SEC22C: variants seen among roughly 807,000 people sequenced by gnomAD.
SEC22C encodes the protein vesicle-trafficking protein SEC22c.
Under a neutral mutation model 34.7 loss-of-function variants are expected in SEC22C, and 29 were observed. The observed-to-expected ratio is 0.84, with a 90% CI of 0.62 to 1.14. SEC22C has a LOEUF of 1.14. Among genes scored for constraint, SEC22C ranks in the 50% most tolerant of loss-of-function variants. The pLI is 0.00. For missense variants in SEC22C, 337 were observed against 369.0 expected (o/e 0.91, Z 0.71); for synonymous variants, 117 against 132.8 (o/e 0.88, Z 0.82).
At chr3:42,587,962 A>T (rs1197091718) in intron 1 of SEC22C, among the ~76,000 whole-genome samples, 1 of 151,716 alleles carries the variant, frequency 6.6e-6, no homozygotes, top group African/African-American at 2.4e-5. Context: ...AATCCTGGCC[A>T]CTTGGGAGGC....
intron 2 of SEC22C, chr3:42,564,010 C>CTA: frequency 8.9e-7 from 1 of 1,123,636 alleles, no homozygotes; most frequent in African/African-American, 1.6e-5. Context: ...CTTCTTTAAT[C>CTA]TACATCAACA....
In SEC22C at chr3:42,550,454, G is replaced by A. The variant is rs1448737680; in HGVS notation, c.*2794C>T. 1.0e-5 allele frequency: 10 copies of A among 985,308 alleles called. No homozygotes were observed. Among genetic ancestry groups the A allele is most frequent in the Admixed American group, 6.1e-5 (1 of 16,262 alleles). The allele number at this position is 985,308 out of a possible 1,614,324, so 61.0% of individuals were successfully genotyped here. On this transcript the variant is annotated 3_prime_UTR_variant, in exon 7 of 7. Transcript: ENST00000264454. ...GAACCAAGTCAAACCTAAGCCTGGGGATTTCCCTCGGATGAAATCACCAGA... is the reference window on the plus strand; with the variant it reads ...GAACCAAGTCAAACCTAAGCCTGGGAATTTCCCTCGGATGAAATCACCAGA...
At chr3:42,590,127 TAAG>T (rs1704767997) in intron 1 of SEC22C, among the ~76,000 whole-genome samples, 1 of 152,194 alleles carries the variant, frequency 6.6e-6, no homozygotes, top group Non-Finnish European at 1.5e-5. Context: ...CTGCCCCAAA[TAAG>T]TCCAGGCTAT....
intron 1 of SEC22C, among the ~76,000 whole-genome samples, chr3:42,570,852 G>A (rs778827604): frequency 4.6e-5 from 7 of 152,012 alleles, no homozygotes; most frequent in Non-Finnish European, 1.0e-4. Flanking sequence ...ATAGGGAAAG[G>A]CTACAAGATC....
intron 2 of SEC22C, chr3:42,563,981 C>G: frequency 7.8e-7 from 1 of 1,274,112 alleles, no homozygotes; most frequent in South Asian, 1.4e-5. Context: ...TTCTCCACAT[C>G]TATTGAGAAA....
At chr3:42,557,759 C>T (rs1265650900) in intron 4 of SEC22C, 63 bp from the exon 5 acceptor site, 14 of 815,016 alleles carry the variant, frequency 1.7e-5, no homozygotes, top group African/African-American at 3.5e-5. Context: ...GAAAAATAAA[C>T]GAAGACATTA....
Position 42,551,484 on chromosome 3 carries a change from G to T in SEC22C, c.*1764C>A. ...AGACTCCCAAAGTGCTGGGATTACA[G>T]GCATGTGCCATCACATCCGGCTAAT... On this transcript the variant is annotated 3_prime_UTR_variant, in exon 7 of 7. Transcript: ENST00000264454. The T allele has an allele frequency of 4.0e-6, 2 of 500,828 alleles. No individual in the cohort carries two copies. Among genetic ancestry groups the T allele is most frequent in the Non-Finnish European group, 5.2e-6 (2 of 387,308 alleles). The allele number at this position is 500,828 out of a possible 1,614,324, so 31.0% of individuals were successfully genotyped here. A position where few individuals can be genotyped will look rare whatever the true frequency, so the allele number is the denominator to read the frequency against.
chr3:42,549,217 T>C lies in SEC22C; in HGVS notation c.*4031A>G. 2.0e-6 allele frequency: 2 copies of C among 986,704 alleles called. No homozygotes were observed. The highest frequency in any genetic ancestry group is 2.4e-6 in the Non-Finnish European group (2 of 830,746). 61.1% of individuals were successfully genotyped at this position (986,704 alleles called of 1,614,324 possible). On this transcript the variant is annotated 3_prime_UTR_variant, in exon 7 of 7. Transcript: ENST00000264454. ...ACGAAAACATTTGGAATGTGAGCAATGTCTGAACAGGGGCTTGCCAGGCAC... is the reference window on the plus strand; with the variant it reads ...ACGAAAACATTTGGAATGTGAGCAACGTCTGAACAGGGGCTTGCCAGGCAC...
At position 42,555,948 on chromosome 3, in the gene SEC22C, G is replaced by A. The variant is rs746121085; in HGVS notation, c.693C>T (p.Phe231=). 13 of 1,613,640 alleles carry A rather than the reference G, an allele frequency of 8.1e-6. No homozygotes were observed. The South Asian group carries it at 9.9e-5, about 12-fold the overall frequency. The change falls in exon 6 of 7, where the codon TTC becomes TTT. Residue 231 remains phenylalanine, a synonymous_variant. Coordinates refer to ENST00000264454, the MANE Select transcript of SEC22C (RefSeq NM_032970.4). ...CACCCACCTGGAAAATGCAGGCTAC[G>A]AAAGGAACAAGAAAAGCCAGAATGT... The part of the protein sequence containing the change: ...IGNILAFLVP[F]VACIFQCYLY...
chr3:42,572,050 T>C (rs1037040462), intron 1 of SEC22C, among the ~76,000 whole-genome samples: 1 of 151,692 alleles, frequency 6.6e-6, no homozygotes, highest in African/African-American at 2.4e-5. Context: ...AAAATAAAAA[T>C]TCTGAAAGGT....
chr3:42,564,676 T>C (rs1253889529), intron 2 of SEC22C, among the ~76,000 whole-genome samples: 2 of 152,234 alleles, frequency 1.3e-5, no homozygotes, highest in African/African-American at 2.4e-5. Context: ...TTACCCTGTA[T>C]CAATGGGAAA....
At chr3:42,598,095 A>G (rs1320132236) in intron 1 of SEC22C, among the ~76,000 whole-genome samples, 4 of 152,220 alleles carry the variant, frequency 2.6e-5, no homozygotes, top group African/African-American at 9.6e-5. Context: ...AAATAATTGA[A>G]AGCAGGTTTC....
At chr3:42,590,123 C>T (rs974341540) in intron 1 of SEC22C, among the ~76,000 whole-genome samples, 10 of 152,144 alleles carry the variant, frequency 6.6e-5, no homozygotes, top group Non-Finnish European at 1.3e-4. Context: ...ATTCCTGCCC[C>T]AAATAAGTCC....
At chr3:42,580,353 T>C (rs1215859600) in intron 1 of SEC22C, 7 of 152,174 alleles carry the variant, frequency 4.6e-5, no homozygotes, top group Non-Finnish European at 1.0e-4. Flanking sequence ...AAACACAAAG[T>C]GTTCACCATA....
chr3:42,600,359 G>C (rs34852409), intron 1 of SEC22C: 25,730 of 152,198 alleles, frequency 0.17, 2,652 homozygotes, highest in African/African-American at 0.29. Flanking sequence ...ACAGCGCTCG[G>C]AAACAGAGAA....
chr3:42,570,993 C>A (rs990665476), intron 1 of SEC22C, among the ~76,000 whole-genome samples: 3 of 152,016 alleles, frequency 2.0e-5, no homozygotes, highest in South Asian at 2.1e-4. Flanking sequence ...ACAGAAACAC[C>A]CCAAAGCAAA....
chr3:42,561,358 C>T lies in SEC22C; in HGVS notation c.347-62G>A, dbSNP rs1702896821. On this transcript the variant is annotated intron_variant, in intron 3 of 6. Coordinates refer to ENST00000264454, the MANE Select transcript of SEC22C (RefSeq NM_032970.4). ...TCAGAATGGATATTATAAGACAATACGTACAAAATGAAGTTCACATTTCTT... is the reference window on the plus strand; with the variant it reads ...TCAGAATGGATATTATAAGACAATATGTACAAAATGAAGTTCACATTTCTT... The T allele has an allele frequency of 5.9e-6, 9 of 1,518,634 alleles. 1 individual carries two copies. The South Asian group carries it at 8.0e-5, about 13-fold the overall frequency. The allele number at this position is 1,518,634 out of a possible 1,614,324, so 94.1% of individuals were successfully genotyped here.
intron 4 of SEC22C, 135 bp from the exon 5 acceptor site, chr3:42,557,831 G>A (rs1702623765): frequency 2.0e-6 from 1 of 488,624 alleles, no homozygotes; most frequent in East Asian, 3.3e-5. Context: ...CATATTAATT[G>A]TAAAAGCAGC....
At chr3:42,580,271 AAG>A (rs934577955) in intron 1 of SEC22C, among the ~76,000 whole-genome samples, 4 of 152,218 alleles carry the variant, frequency 2.6e-5, no homozygotes, top group African/African-American at 7.2e-5. Context: ...AACAGAGAGA[AAG>A]AGAGAGATGA....
Sources: gnomAD v4.1 joint callset for allele counts (sites outside exome capture counted in the v4.1 genomes callset) on GRCh38, gnomAD v4.1.1 for gene constraint, MANE v1.5 for transcripts, NCBI Gene and HGNC (gene_info 2026-07-23, HGNC 2026-07-21) for gene names.